DKK2: variants seen among roughly 807,000 people sequenced by gnomAD.
DKK2 encodes dickkopf Wnt signaling pathway inhibitor 2, also known as dickkopf-related protein 2.
In DKK2, 11 loss-of-function variants were observed where a neutral mutation model predicts 28.1. The observed-to-expected ratio is 0.39, with a 90% CI of 0.25 to 0.65. The LOEUF is 0.65. DKK2 is among the 30% of genes least tolerant of loss of function. The probability of loss-of-function intolerance (pLI) is 0.47; values close to 1 mark genes in which losing one functional copy is unlikely to be tolerated. For missense variants in DKK2, 326 were observed against 335.5 expected (o/e 0.97, Z 0.22); for synonymous variants, 135 against 126.5 (o/e 1.07, Z -0.45).
intron 1 of DKK2, among the ~76,000 whole-genome samples, chr4:107,033,283 A>G (rs919550874): frequency 4.6e-5 from 7 of 152,164 alleles, no homozygotes; most frequent in Non-Finnish European, 2.9e-5. Context: ...TAGAACTGCT[A>G]TGTTATGAAA....
chr4:106,958,880 G>GA (rs1722646633), intron 1 of DKK2, among the ~76,000 whole-genome samples: 1 of 143,428 alleles, frequency 7.0e-6, no homozygotes, highest in African/African-American at 2.6e-5. Flanking sequence ...AAACATAAAA[G>GA]AAAAAGAAAA....
chr4:106,926,374 A>T (rs2110339225), intron 1 of DKK2, among the ~76,000 whole-genome samples: 1 of 152,308 alleles, frequency 6.6e-6, no homozygotes, highest in Non-Finnish European at 1.5e-5. Flanking sequence ...TAAATAAAAC[A>T]ACAAAGGGCT....
At chr4:106,996,197 T>C (rs1430797386) in intron 1 of DKK2, among the ~76,000 whole-genome samples, 2 of 152,228 alleles carry the variant, frequency 1.3e-5, no homozygotes, top group African/African-American at 4.8e-5. Flanking sequence ...AGAATAACAT[T>C]GTTCAGATAC....
intron 1 of DKK2, among the ~76,000 whole-genome samples, chr4:106,949,872 A>G (rs760735479): frequency 4.6e-5 from 7 of 152,166 alleles, no homozygotes; most frequent in Non-Finnish European, 7.4e-5. Flanking sequence ...CCTAGACAGA[A>G]CATTTGTTAA....
chr4:106,938,756 A>T (rs1724641971), intron 1 of DKK2, among the ~76,000 whole-genome samples: 1 of 151,992 alleles, frequency 6.6e-6, no homozygotes, highest in Admixed American at 6.6e-5. Context: ...CAAAAAGCTT[A>T]TTCACCATGA....
chr4:106,965,941 C>T (rs1006708409), intron 1 of DKK2, among the ~76,000 whole-genome samples: 5 of 151,126 alleles, frequency 3.3e-5, no homozygotes, highest in African/African-American at 1.2e-4. Flanking sequence ...TTTTTTATGG[C>T]TGCATGGTAT....
At chr4:106,951,706 G>A (rs1724863064) in intron 1 of DKK2, among the ~76,000 whole-genome samples, 2 of 152,080 alleles carry the variant, frequency 1.3e-5, no homozygotes, top group Non-Finnish European at 2.9e-5. Context: ...GACAATAAAG[G>A]TAAACATGTT....
At chr4:106,957,035 T>A (rs924210377) in intron 1 of DKK2, among the ~76,000 whole-genome samples, 1 of 151,336 alleles carries the variant, frequency 6.6e-6, no homozygotes, top group East Asian at 1.9e-4. Context: ...GAATCTACAA[T>A]GAACTCAAAC....
intron 1 of DKK2, among the ~76,000 whole-genome samples, chr4:107,032,101 G>A (rs1195309810): frequency 1.3e-5 from 2 of 151,922 alleles, no homozygotes; most frequent in Non-Finnish European, 2.9e-5. Flanking sequence ...TACATATACA[G>A]CACATACATG....
At chr4:106,975,392 G>A (rs1395342001) in intron 1 of DKK2, among the ~76,000 whole-genome samples, 2 of 151,988 alleles carry the variant, frequency 1.3e-5, no homozygotes, top group Non-Finnish European at 2.9e-5. Flanking sequence ...TTGGTTGCTA[G>A]GCTATTAAAT....
At chr4:106,953,830 C>A (rs1357299428) in intron 1 of DKK2, among the ~76,000 whole-genome samples, 1 of 152,114 alleles carries the variant, frequency 6.6e-6, no homozygotes, top group East Asian at 1.9e-4. Flanking sequence ...CTTAAGCATT[C>A]AAATTTCTAT....
At chr4:106,939,986 G>C (rs1359220941) in intron 1 of DKK2, among the ~76,000 whole-genome samples, 14 of 152,102 alleles carry the variant, frequency 9.2e-5, no homozygotes, top group Non-Finnish European at 1.9e-4. Context: ...TTAAACGTTA[G>C]ACCTAAAACC....
intron 1 of DKK2, among the ~76,000 whole-genome samples, chr4:107,010,494 C>T (rs77259197): frequency 0.012 from 1,771 of 151,536 alleles, 29 homozygotes; most frequent in Non-Finnish European, 0.018. Flanking sequence ...TTCTGTATTC[C>T]TACTTCTAGA....
At chr4:106,976,658 A>G (rs1722950403) in intron 1 of DKK2, among the ~76,000 whole-genome samples, 1 of 152,158 alleles carries the variant, frequency 6.6e-6, no homozygotes, top group Non-Finnish European at 1.5e-5. Context: ...GGTCCCCTGA[A>G]TACAGCACAC....
At chr4:106,939,502 A>G (rs1443237275) in intron 1 of DKK2, among the ~76,000 whole-genome samples, 2 of 152,234 alleles carry the variant, frequency 1.3e-5, no homozygotes, top group Non-Finnish European at 2.9e-5. Context: ...ATGGGTAGGA[A>G]GAATCAATAT....
chr4:106,942,574 G>A (rs1204196290), intron 1 of DKK2, among the ~76,000 whole-genome samples: 1 of 152,036 alleles, frequency 6.6e-6, no homozygotes, highest in Non-Finnish European at 1.5e-5. Flanking sequence ...GAGCTGGGGA[G>A]GGAGAGTGAA....
At chr4:107,032,464 A>G (rs1286104108) in intron 1 of DKK2, among the ~76,000 whole-genome samples, 1 of 152,128 alleles carries the variant, frequency 6.6e-6, no homozygotes, top group Non-Finnish European at 1.5e-5. Flanking sequence ...CTTTCAATAA[A>G]ACTATAGAGC....
chr4:106,922,501 G>T lies in DKK2; in HGVS notation c.*1453C>A, dbSNP rs969562352. 1 of 152,124 alleles carries T rather than the reference G, an allele frequency of 6.6e-6. No homozygotes were observed. The highest frequency in any genetic ancestry group is 1.5e-5 in the Non-Finnish European group (1 of 68,026). The allele number at this position is 152,124 out of a possible 1,614,324, so 9.4% of individuals were successfully genotyped here. On this transcript the variant is annotated 3_prime_UTR_variant, in exon 4 of 4. Transcript: ENST00000285311. ...GTTATCCTACTTATATTTTTTAACCGCAATGGCTGCAGAAAACCGAAACTA... is the reference window on the plus strand; with the variant it reads ...GTTATCCTACTTATATTTTTTAACCTCAATGGCTGCAGAAAACCGAAACTA...
At chr4:106,962,668 T>A (rs912764631) in intron 1 of DKK2, among the ~76,000 whole-genome samples, 10 of 151,882 alleles carry the variant, frequency 6.6e-5, no homozygotes, top group African/African-American at 2.2e-4. Flanking sequence ...AAGAAAACAT[T>A]GGGGAAACAC....
Sources: allele counts gnomAD v4.1 joint callset (sites outside exome capture counted in the v4.1 genomes callset), GRCh38; gene constraint gnomAD v4.1.1; transcripts MANE v1.5; gene names NCBI Gene and HGNC (gene_info 2026-07-23, HGNC 2026-07-21).